The following GPHN variants were observed in gnomAD, a reference collection of about 807,000 sequenced individuals.
GPHN encodes gephyrin.
In GPHN, 17 loss-of-function variants were observed where a neutral mutation model predicts 95.5. The observed-to-expected ratio is 0.18, with a 90% confidence interval of 0.12 to 0.27. GPHN has a LOEUF of 0.27. Among genes scored for constraint, GPHN ranks in the 10% least tolerant of loss-of-function variants. The pLI is 1.00. For missense variants in GPHN, 660 were observed against 978.1 expected (o/e 0.67, Z 4.34); for synonymous variants, 320 against 322.5 (o/e 0.99, Z 0.08).
intron 4 of GPHN, among the ~76,000 whole-genome samples, chr14:66,859,879 GAAGA>G (rs1247161523): frequency 1.3e-5 from 2 of 152,094 alleles, no homozygotes; most frequent in East Asian, 3.9e-4. Context: ...CGATCAATCA[GAAGA>G]AAGAATTAGT....
intron 1 of GPHN, among the ~76,000 whole-genome samples, chr14:66,630,822 T>C (rs1008064467): frequency 1.4e-4 from 21 of 152,164 alleles, no homozygotes; most frequent in African/African-American, 5.1e-4. Context: ...TCATGCCAGT[T>C]AATTACATAG....
the GPHN span, among the ~76,000 whole-genome samples, chr14:67,232,103 C>T: frequency 6.6e-6 from 1 of 152,088 alleles, no homozygotes; most frequent in Admixed American, 6.6e-5. Context: ...CCTATTGCTT[C>T]CTTTGGGTAC....
intron 11 of GPHN, among the ~76,000 whole-genome samples, chr14:67,063,052 AG>A (rs2075889488): frequency 6.6e-6 from 1 of 152,136 alleles, no homozygotes; most frequent in South Asian, 2.1e-4. Context: ...TTATGGTTTT[AG>A]GTCTAACATT....
At chr14:66,558,132 C>G (rs2060082739) in intron 1 of GPHN, among the ~76,000 whole-genome samples, 1 of 152,038 alleles carries the variant, frequency 6.6e-6, no homozygotes, top group African/African-American at 2.4e-5. Flanking sequence ...AAACAAAACT[C>G]CTAAATCAAA....
At chr14:67,245,551 A>G in the GPHN span, among the ~76,000 whole-genome samples, 2 of 151,892 alleles carry the variant, frequency 1.3e-5, no homozygotes, top group East Asian at 1.9e-4. Flanking sequence ...GGGTCTCACT[A>G]TGTTTCCCAG....
At chr14:66,704,734 A>G (rs1048031550) in intron 2 of GPHN, among the ~76,000 whole-genome samples, 6 of 152,180 alleles carry the variant, frequency 3.9e-5, no homozygotes, top group South Asian at 2.1e-4. Context: ...TCGACACCCT[A>G]TCGTCACAAT....
At chr14:66,813,828 TG>T (rs1158525400) in intron 3 of GPHN, among the ~76,000 whole-genome samples, 2 of 152,158 alleles carry the variant, frequency 1.3e-5, no homozygotes, top group African/African-American at 2.4e-5. Context: ...TGGCCTGTCC[TG>T]GGGCCCTAGC....
chr14:67,605,859 T>C, the GPHN span, among the ~76,000 whole-genome samples: 1 of 151,980 alleles, frequency 6.6e-6, no homozygotes, highest in South Asian at 2.1e-4. Flanking sequence ...ATTTTTATAT[T>C]TGTAGTAGAG....
chr14:67,729,776 TC>T, the GPHN span: 1 of 502,658 alleles, frequency 2.0e-6, no homozygotes, highest in East Asian at 5.5e-5. Context: ...TCCTCTCTCT[TC>T]GGTGTGAACT....
the GPHN span, among the ~76,000 whole-genome samples, chr14:67,389,581 CAT>C: frequency 6.6e-6 from 1 of 151,830 alleles, no homozygotes; most frequent in Non-Finnish European, 1.5e-5. Flanking sequence ...TGCATGTGTA[CAT>C]ATATATGTAT....
the GPHN span, among the ~76,000 whole-genome samples, chr14:67,448,120 C>CTTTTTTTTTTT: frequency 7.2e-4 from 26 of 36,078 alleles, 6 homozygotes; most frequent in African/African-American, 2.3e-3. Context: ...ATAGCCCATT[C>CTTTTTTTTTTT]TTTTTTTTTT....
intron 3 of GPHN, among the ~76,000 whole-genome samples, chr14:66,776,798 A>ATG (rs550108151): frequency 1.7e-3 from 263 of 152,274 alleles, no homozygotes; most frequent in African/African-American, 5.8e-3. Flanking sequence ...CACTGTGTAT[A>ATG]AGCATTGGTG....
At chr14:67,670,019 C>T in the GPHN span, among the ~76,000 whole-genome samples, 30 of 152,144 alleles carry the variant, frequency 2.0e-4, no homozygotes, top group African/African-American at 6.8e-4. Context: ...CACCTGAGCC[C>T]GGGAAGCCAA....
chr14:66,665,733 A>C (rs1213266711), intron 1 of GPHN, among the ~76,000 whole-genome samples: 1 of 152,236 alleles, frequency 6.6e-6, no homozygotes, highest in African/African-American at 2.4e-5. Flanking sequence ...CATGTGACCC[A>C]GCCATCCCAT....
the GPHN span, among the ~76,000 whole-genome samples, chr14:67,715,922 G>A: frequency 1.3e-5 from 2 of 152,170 alleles, no homozygotes; most frequent in Non-Finnish European, 2.9e-5. Flanking sequence ...GAGGCCGGGG[G>A]CAGTGGCTTA....
At chr14:67,572,594 C>G in the GPHN span, among the ~76,000 whole-genome samples, 7 of 146,894 alleles carry the variant, frequency 4.8e-5, no homozygotes, top group African/African-American at 1.7e-4. Flanking sequence ...AATACTAACG[C>G]AAGCTAACAT....
chr14:67,487,017 G>T, the GPHN span: 1 of 152,326 alleles, frequency 6.6e-6, no homozygotes, highest in South Asian at 2.1e-4. Flanking sequence ...ACCCTTGAGT[G>T]TGCAGCTCAC....
intron 8 of GPHN, among the ~76,000 whole-genome samples, chr14:66,935,664 G>A (rs1234706638): frequency 4.6e-5 from 7 of 151,550 alleles, no homozygotes; most frequent in Non-Finnish European, 7.4e-5. Flanking sequence ...GTGTGTTTAT[G>A]TATACGTATA....
chr14:67,536,709 A>G, the GPHN span, among the ~76,000 whole-genome samples: 6 of 151,804 alleles, frequency 4.0e-5, no homozygotes, highest in African/African-American at 9.7e-5. Context: ...TATATCCCCA[A>G]TCTTGCACAC....
Sources: allele counts gnomAD v4.1 joint callset (sites outside exome capture counted in the v4.1 genomes callset), GRCh38; gene constraint gnomAD v4.1.1; transcripts MANE v1.5; gene names NCBI Gene and HGNC (gene_info 2026-07-23, HGNC 2026-07-21).